NAV3: variants seen among roughly 807,000 people sequenced by gnomAD.
NAV3 encodes pore membrane and/or filament interacting like protein 1.
In NAV3, 87 loss-of-function variants were observed where a neutral mutation model predicts 244.7. The observed-to-expected ratio is 0.36, with a 90% confidence interval of 0.30 to 0.42. NAV3 has a LOEUF of 0.42. Ranked by LOEUF, NAV3 falls within the 20% of genes least tolerant of loss-of-function variation. The pLI is 1.00. For synonymous variants in NAV3, 1,126 were observed against 1,042.2 expected, an observed-to-expected ratio of 1.08 and a Z score of -1.55; for missense variants, 2,663 against 2,893.3, an observed-to-expected ratio of 0.92 and a Z score of 1.83.
chr12:77,871,851 A>G (rs1592847592), intron 1 of NAV3, among the ~76,000 whole-genome samples: 1 of 152,260 alleles, frequency 6.6e-6, no homozygotes, highest in East Asian at 1.9e-4. Context: ...TAGATCCTTG[A>G]GGAATTGCCC....
rs748531378 is a variant in NAV3 at position 77,766,735 on chromosome 12, GTTTTT to G, written c.73-173552_73-173548del. On this transcript the variant is annotated intron_variant, in intron 2 of 8. Coordinates refer to the NAV3 transcript ENST00000550042. ...AGGATTCTAAAAAACAGGCAATTAAGTTTTTTTTTTTTTTTTTTTTTTTTTTTTTT... is the reference window on the plus strand; with the variant it reads ...AGGATTCTAAAAAACAGGCAATTAAGTTTTTTTTTTTTTTTTTTTTTTTTT... Among the ~76,000 whole-genome samples the G allele has an allele frequency of 2.0e-4, 12 of 60,514 alleles. 1 individual carries two copies. In the East Asian group the frequency reaches 4.5e-3, roughly 23 times the overall value. The allele number at this position is 60,514 out of a possible 152,430, so 39.7% of individuals were successfully genotyped here. A position where few individuals can be genotyped will look rare whatever the true frequency, so the allele number is the denominator to read the frequency against.
intron 1 of NAV3, among the ~76,000 whole-genome samples, chr12:77,902,719 G>T (rs981029112): frequency 5.9e-5 from 9 of 152,146 alleles, no homozygotes; most frequent in African/African-American, 2.2e-4. Flanking sequence ...GTTTGCAGAT[G>T]ACATGATTGT....
intron 2 of NAV3, among the ~76,000 whole-genome samples, chr12:77,607,672 T>A (rs1870731057): frequency 6.6e-6 from 1 of 152,066 alleles, no homozygotes; most frequent in South Asian, 2.1e-4. Context: ...AAGCATTCAA[T>A]CCCAATTGCA....
intron 2 of NAV3, among the ~76,000 whole-genome samples, chr12:77,614,580 A>G (rs1323819933): frequency 3.9e-5 from 6 of 152,166 alleles, no homozygotes; most frequent in African/African-American, 1.2e-4. Flanking sequence ...TCAGTATTCA[A>G]AAACAAATCA....
chr12:77,645,269 A>AC (rs1872564006), intron 2 of NAV3, among the ~76,000 whole-genome samples: 1 of 150,546 alleles, frequency 6.6e-6, no homozygotes, highest in Admixed American at 6.6e-5. Flanking sequence ...AAATCTTATG[A>AC]TTTTTTTTTT....
intron 2 of NAV3, among the ~76,000 whole-genome samples, chr12:77,617,373 A>G (rs1051946051): frequency 4.8e-4 from 73 of 152,288 alleles, no homozygotes; most frequent in African/African-American, 1.7e-3. Flanking sequence ...AGGGATGGTT[A>G]TAAAACTCAT....
chr12:77,628,902 C>CAAAAAAAA (rs200250331), intron 2 of NAV3, among the ~76,000 whole-genome samples: 2,603 of 86,238 alleles, frequency 0.03, 31 homozygotes, highest in Middle Eastern at 0.11. Context: ...ACCCTGTCTC[C>CAAAAAAAA]AAAAAAAAAA....
chr12:77,994,915 A>C (rs1352362024), intron 6 of NAV3, 44 bp downstream of exon 6: 2 of 1,341,660 alleles, frequency 1.5e-6, no homozygotes, highest in African/African-American at 2.9e-5. Context: ...GTGATATGCA[A>C]ATAAATACCC....
In NAV3 at chr12:77,646,679, G is replaced by A. The variant is rs180784960; in HGVS notation, c.72+74413G>A. ...CAAGGGTTTGGTTGTCCAGGTGCGAGTCTGGGAGGAGTGCAAGATGTTGGG... is the reference window on the plus strand; with the variant it reads ...CAAGGGTTTGGTTGTCCAGGTGCGAATCTGGGAGGAGTGCAAGATGTTGGG... On this transcript the variant is annotated intron_variant, in intron 2 of 8. Coordinates refer to the NAV3 transcript ENST00000550042. Among the ~76,000 whole-genome samples the A allele has an allele frequency of 3.2e-4, 49 of 152,222 alleles. 1 individual carries two copies. Among genetic ancestry groups the A allele is most frequent in the African/African-American group, 1.1e-3 (45 of 41,550 alleles).
intron 39 of NAV3, among the ~76,000 whole-genome samples, chr12:78,210,093 G>A (rs1025752751): frequency 5.3e-5 from 8 of 152,124 alleles, no homozygotes; most frequent in African/African-American, 1.9e-4. Context: ...TTCCAGCAAC[G>A]AACCCAGATG....
chr12:78,120,053 T>TATATA (rs55670442), intron 15 of NAV3, 108 bp downstream of exon 15: 363,272 of 633,796 alleles, frequency 0.57, 110,793 homozygotes, highest in African/African-American at 0.66. Flanking sequence ...ATGTATAAGG[T>TATATA]ATATATATAT....
chr12:78,121,826 C>A, intron 15 of NAV3, 114 bp from the exon 16 acceptor site: 2 of 1,323,604 alleles, frequency 1.5e-6, no homozygotes, highest in Non-Finnish European at 2.1e-6. Context: ...ACAGGAAGTG[C>A]TTTGTAGTTC....
intron 5 of NAV3, among the ~76,000 whole-genome samples, chr12:77,984,317 G>A (rs1398736613): frequency 6.6e-6 from 1 of 152,154 alleles, no homozygotes; most frequent in African/African-American, 2.4e-5. Context: ...ATGCTTATGT[G>A]CTTTCAAGTA....
intron 2 of NAV3, among the ~76,000 whole-genome samples, chr12:77,661,921 T>C (rs999032151): frequency 1.3e-5 from 2 of 152,082 alleles, no homozygotes; most frequent in African/African-American, 2.4e-5. Context: ...AAATTGCACA[T>C]TGTCTTTATA....
At chr12:77,679,784 G>A (rs781464608) in intron 2 of NAV3, among the ~76,000 whole-genome samples, 16 of 152,256 alleles carry the variant, frequency 1.1e-4, no homozygotes, top group African/African-American at 3.4e-4. Context: ...AAGCAAGAGC[G>A]ATCAACAGTG....
chr12:77,796,927 C>G (rs1391650334), intron 2 of NAV3, among the ~76,000 whole-genome samples: 2 of 151,866 alleles, frequency 1.3e-5, no homozygotes, highest in Admixed American at 1.3e-4. Flanking sequence ...GGGAAACCAA[C>G]AAGTTTGTGT....
intron 1 of NAV3, among the ~76,000 whole-genome samples, chr12:77,896,252 T>G (rs1461350725): frequency 6.6e-6 from 1 of 152,184 alleles, no homozygotes; most frequent in African/African-American, 2.4e-5. Context: ...CTCATGGGTC[T>G]GCCTGCACAT....
chr12:77,738,086 C>A (rs1369589287), intron 2 of NAV3, among the ~76,000 whole-genome samples: 1 of 152,114 alleles, frequency 6.6e-6, no homozygotes, highest in Admixed American at 6.5e-5. Flanking sequence ...ACTTTAGCTT[C>A]TTTCTGTTTG....
At chr12:77,756,366 A>T (rs776944442) in intron 2 of NAV3, among the ~76,000 whole-genome samples, 11 of 152,008 alleles carry the variant, frequency 7.2e-5, no homozygotes, top group Non-Finnish European at 1.0e-4. Context: ...TTTTTTTCCA[A>T]ATTTTAATTC....
Sources: gnomAD v4.1 joint callset for allele counts (sites outside exome capture counted in the v4.1 genomes callset) on GRCh38, gnomAD v4.1.1 for gene constraint, MANE v1.5 for transcripts, NCBI Gene and HGNC (gene_info 2026-07-23, HGNC 2026-07-21) for gene names.